The following COX5B variants were observed in gnomAD, a reference collection of about 807,000 sequenced individuals.
COX5B encodes the protein cytochrome c oxidase subunit 5B, mitochondrial.
In COX5B, 8 loss-of-function variants were observed where a neutral mutation model predicts 16.2. The ratio of observed to expected loss-of-function variants is 0.49; its 90% CI spans 0.29 to 0.89. COX5B has a LOEUF of 0.89. Ranked by LOEUF, COX5B falls within the 40% of genes least tolerant of loss-of-function variation. The pLI is 0.08. For synonymous variants in COX5B, 65 were observed against 67.6 expected, an observed-to-expected ratio of 0.96 and a Z score of 0.19; for missense variants, 161 against 168.7, an observed-to-expected ratio of 0.95 and a Z score of 0.25.
rs1674648178 is a variant in COX5B, at chr2:97,646,125, C to G, written c.39C>G (p.Ala13=). The G allele has an allele frequency of 6.4e-7, 1 of 1,557,598 alleles. No individual in the cohort carries two copies. Among genetic ancestry groups the G allele is most frequent in the Non-Finnish European group, 8.7e-7 (1 of 1,150,472 alleles). Residue 13 remains alanine (A), a synonymous_variant, in exon 1 of 4, where the codon GCC becomes GCG. Transcript: ENST00000258424. The part of the protein sequence containing the change: ...SRLLRGAGTL[A]AQALRARGPS... ...TACTTCGCGGAGCTGGAACGCTGGC[C>G]GCGCAGGCCCTGAGGGCTCGCGGCC...
intron 1 of COX5B, chr2:97,646,695 A>G (rs1674659679): frequency 4.5e-6 from 1 of 223,034 alleles, no homozygotes; most frequent in Non-Finnish European, 9.1e-6. Flanking sequence ...TAAAAATACA[A>G]AAATTAGCCG....
rs1674690756 is a variant in COX5B at position 97,648,194 on chromosome 2, A to G, written c.*86A>G. On this transcript the variant is annotated 3_prime_UTR_variant, in exon 4 of 4. Transcript: ENST00000258424. ...CCATTGCATTGGCTCCTTCTCCCAT[A>G]GATGGCTGGTCTTATTTCTTACCCG... is the stretch of plus-strand genomic sequence containing the variant. 18 of 1,102,266 alleles carry G rather than the reference A, an allele frequency of 1.6e-5. No individual in the cohort carries two copies. The highest frequency in any genetic ancestry group is 2.1e-5 in the Non-Finnish European group (16 of 778,390). The allele number at this position is 1,102,266 out of a possible 1,614,324, so 68.3% of individuals were successfully genotyped here. A position where few individuals can be genotyped will look rare whatever the true frequency, so the allele number is the denominator to read the frequency against.
In COX5B at chr2:97,647,416, T is replaced by TC; in HGVS notation, c.252dup (p.Asn85GlnfsTer10). On this transcript the variant is annotated frameshift_variant, in exon 3 of 4. Coordinates refer to ENST00000258424, the MANE Select transcript of COX5B (RefSeq NM_001862.3). LOFTEE classifies it high-confidence loss of function. ...AGACCCTAATTTAGTCCCCTCCATC[T>TC]CCAACAAGAGAATAGTAGGCTGCAT... 1 of 1,614,086 alleles carries TC rather than the reference T, an allele frequency of 6.2e-7. No individual in the cohort carries two copies. Among genetic ancestry groups the TC allele is most frequent in the Non-Finnish European group, 8.5e-7 (1 of 1,179,938 alleles).
At chr2:97,647,882 A>G (rs1257667330) in intron 3 of COX5B, 114 bp from the exon 4 acceptor site, 1 of 912,234 alleles carries the variant, frequency 1.1e-6, no homozygotes, top group Non-Finnish European at 1.7e-6. Context: ...TGATCTCTTA[A>G]GATATCAACC....
In COX5B at chr2:97,647,359, C is replaced by T. The variant is rs1017202545; in HGVS notation, c.193C>T (p.Leu65=). 3.1e-6 allele frequency: 5 copies of T among 1,613,846 alleles called. No individual in the cohort carries two copies. Among genetic ancestry groups the T allele is most frequent in the Non-Finnish European group, 3.4e-6 (4 of 1,179,928 alleles). The part of the protein sequence containing the change: ...AKKGLDPYNV[L]APKGASGTRE... ...TTTTCTTCAGGACCCATACAATGTA[C>T]TGGCCCCAAAGGGAGCTTCAGGCAC... is the stretch of plus-strand genomic sequence containing the variant. The change falls in exon 3 of 4, where the codon CTG becomes TTG. Residue 65 remains leucine (L), a synonymous_variant. Transcript: ENST00000258424.
At position 97,646,956 on chromosome 2, in the gene COX5B, G is replaced by T. The variant is rs115897883; in HGVS notation, c.104-111G>T. 8.5e-4 allele frequency: 926 copies of T among 1,085,236 alleles called. 5 individuals carry two copies. In the African/African-American group the frequency reaches 0.013, roughly 15 times the overall value. The allele number at this position is 1,085,236 out of a possible 1,614,324, so 67.2% of individuals were successfully genotyped here. A position where few individuals can be genotyped will look rare whatever the true frequency, so the allele number is the denominator to read the frequency against. On this transcript the variant is annotated intron_variant, in intron 1 of 3. Transcript: ENST00000258424. ...GTAGCCTTTAGGAGCTTGTGAGCCC[G>T]CTAAAACTTATACAGAAGTTTCGGG...
intron 1 of COX5B, chr2:97,646,645 C>G (rs1019834888): frequency 6.7e-5 from 14 of 209,184 alleles, no homozygotes; most frequent in Non-Finnish European, 1.3e-4. Context: ...GTCAGGAGCT[C>G]AAGACCAGCC....
Position 97,648,105 on chromosome 2 carries a change from C to G in COX5B, c.387C>G (p.His129Gln). ...AGCTGGTGCCCCAGCAGCTGGCACA[C>G]TGAGCACCTGCACTAAATTACTCAA... ...HYKLVPQQLA[H>Q] Residue 129 changes from histidine (H) to glutamine (Q), a missense_variant, in exon 4 of 4, where the codon CAC (histidine) becomes CAG (glutamine). His to Gln is a conservative substitution (Grantham distance 24). Transcript: ENST00000258424. 1 of 1,600,052 alleles carries G rather than the reference C, an allele frequency of 6.2e-7. No homozygotes were observed. Among genetic ancestry groups the G allele is most frequent in the Non-Finnish European group, 8.5e-7 (1 of 1,174,504 alleles).
chr2:97,647,250 C>A, intron 2 of COX5B, 94 bp from the exon 3 acceptor site: 1 of 1,511,730 alleles, frequency 6.6e-7, no homozygotes, highest in Non-Finnish European at 9.2e-7. Flanking sequence ...CTTGTAGGAA[C>A]AGTCCCCTGA....
rs1431238660 is a variant in COX5B at position 97,646,929 on chromosome 2, G to A, written c.104-138G>A. The A allele has an allele frequency of 9.3e-6, 7 of 752,890 alleles. No individual in the cohort carries two copies. The Admixed American group carries it at 1.3e-4, about 14-fold the overall frequency. The allele number at this position is 752,890 out of a possible 1,614,324, so 46.6% of individuals were successfully genotyped here. The stretch of plus-strand genomic sequence containing the variant: ...GTGGTTCTTAGGGGACCATGGATAT[G>A]AGTAGCCTTTAGGAGCTTGTGAGCC... On this transcript the variant is annotated intron_variant, in intron 1 of 3. Transcript: ENST00000258424.
intron 3 of COX5B, 88 bp from the exon 4 acceptor site, chr2:97,647,908 T>C: frequency 9.3e-7 from 1 of 1,074,910 alleles, no homozygotes; most frequent in Non-Finnish European, 1.4e-6. Context: ...CTTACTTGTG[T>C]ATCAGAGATG....
At chr2:97,647,247 G>T in intron 2 of COX5B, 97 bp from the exon 3 acceptor site, 1 of 1,520,968 alleles carries the variant, frequency 6.6e-7, no homozygotes, top group South Asian at 1.1e-5. Flanking sequence ...TGGCTTGTAG[G>T]AACAGTCCCC....
At chr2:97,647,658 G>C (rs1004387017) in intron 3 of COX5B, among the ~76,000 whole-genome samples, 1 of 152,192 alleles carries the variant, frequency 6.6e-6, no homozygotes, top group Non-Finnish European at 1.5e-5. Context: ...GCATGAAGGA[G>C]TACCCACCCA....
Position 97,646,353 on chromosome 2 carries a change from G to C in COX5B, c.103+164G>C, listed in dbSNP as rs921017469. 36 of 569,090 alleles carry C rather than the reference G, an allele frequency of 6.3e-5. No homozygotes were observed. In the African/African-American group the frequency reaches 7.0e-4, roughly 11 times the overall value. The allele number at this position is 569,090 out of a possible 1,614,324, so 35.3% of individuals were successfully genotyped here. On this transcript the variant is annotated intron_variant, in intron 1 of 3. Coordinates refer to ENST00000258424, the MANE Select transcript of COX5B (RefSeq NM_001862.3). ...AGGCATCTCCCTGTAATTCTGGACC[G>C]CTGCTCCTGCCGCTCCCCGAACTCA... is the stretch of plus-strand genomic sequence containing the variant.
intron 1 of COX5B, 27 bp from the exon 2 acceptor site, chr2:97,647,040 G>A (rs959276955): frequency 3.7e-6 from 6 of 1,609,082 alleles, no homozygotes; most frequent in Admixed American, 1.7e-5. Flanking sequence ...TTCAGTCAGC[G>A]TCATAATTCA....
rs180951072 is a variant in COX5B, at chr2:97,646,510, C to T, written c.103+321C>T. 1,073 of 311,942 alleles carry T rather than the reference C, an allele frequency of 3.4e-3. 5 individuals are homozygous for T. Among genetic ancestry groups the T allele is most frequent in the Non-Finnish European group, 4.3e-3 (720 of 167,400 alleles). 19.3% of individuals were successfully genotyped at this position (311,942 alleles called of 1,614,324 possible). On this transcript the variant is annotated intron_variant, in intron 1 of 3. Transcript: ENST00000258424. ...CCTCAAGCAGAGTGGGTTCTACATG[C>T]TTTTAGACAAATGTCGACAAATTTG...
At chr2:97,646,965 T>TA (rs1373690157) in intron 1 of COX5B, 102 bp from the exon 2 acceptor site, 4 of 1,213,800 alleles carry the variant, frequency 3.3e-6, no homozygotes, top group African/African-American at 3.0e-5. Flanking sequence ...CGCTAAAACT[T>TA]ATACAGAAGT....
At chr2:97,646,307 C>T (rs1235604886) in intron 1 of COX5B, 118 bp downstream of exon 1, 2 of 635,974 alleles carry the variant, frequency 3.1e-6, no homozygotes, top group Non-Finnish European at 5.4e-6. Flanking sequence ...GCTTTACGGT[C>T]CCCAGTGCCT....
At chr2:97,647,212 C>G in intron 2 of COX5B, 72 bp downstream of exon 2, 1 of 1,555,194 alleles carries the variant, frequency 6.4e-7, no homozygotes, top group Non-Finnish European at 8.9e-7. Flanking sequence ...GGTCTCCTCT[C>G]TGGGAGTATT....
Sources: gnomAD v4.1 joint callset for allele counts (sites outside exome capture counted in the v4.1 genomes callset) on GRCh38, gnomAD v4.1.1 for gene constraint, MANE v1.5 for transcripts, NCBI Gene and HGNC (gene_info 2026-07-23, HGNC 2026-07-21) for gene names.